The following MACROD2 variants were observed in gnomAD, a reference collection of about 807,000 sequenced individuals.
MACROD2 encodes ADP-ribose glycohydrolase MACROD2.
Under a neutral mutation model 70.4 loss-of-function variants are expected in MACROD2, and 36 were observed. The ratio of observed to expected loss-of-function variants is 0.51; its 90% CI spans 0.39 to 0.68. MACROD2 has a LOEUF of 0.68. MACROD2 is among the 30% of genes least tolerant of loss of function. MACROD2 has a pLI of 0.00. For missense variants in MACROD2, 496 were observed against 538.4 expected, an observed-to-expected ratio of 0.92 and a Z score of 0.78; for synonymous variants, 172 against 178.8, an observed-to-expected ratio of 0.96 and a Z score of 0.30.
At chr20:14,606,334 TAAG>T (rs1476656575) in intron 4 of MACROD2, among the ~76,000 whole-genome samples, 2 of 152,160 alleles carry the variant, frequency 1.3e-5, no homozygotes, top group Non-Finnish European at 2.9e-5. Flanking sequence ...AAAATTGAGA[TAAG>T]AAGACCATTT....
intron 5 of MACROD2, among the ~76,000 whole-genome samples, chr20:15,226,465 A>AT (rs1601257463): frequency 6.6e-6 from 1 of 152,196 alleles, no homozygotes; most frequent in East Asian, 1.9e-4. Context: ...AAGATAAAGC[A>AT]TTGTCCATAG....
chr20:15,063,886 T>C (rs2075553529), intron 5 of MACROD2, among the ~76,000 whole-genome samples: 1 of 152,200 alleles, frequency 6.6e-6, no homozygotes, highest in Admixed American at 6.5e-5. Flanking sequence ...TGCAACAAGT[T>C]GGAGCTGCTC....
chr20:15,637,947 G>C (rs1317033534), intron 8 of MACROD2, among the ~76,000 whole-genome samples: 2 of 152,120 alleles, frequency 1.3e-5, no homozygotes, highest in Non-Finnish European at 2.9e-5. Context: ...TTCTCTGTTG[G>C]GTGTGTGATG....
Position 15,986,802 on chromosome 20 carries a change from G to A in MACROD2, c.1060+1G>A. 3.1e-6 allele frequency: 5 copies of A among 1,603,828 alleles called. No individual in the cohort carries two copies. The highest frequency in any genetic ancestry group is 1.3e-5 in the African/African-American group (1 of 74,790). ...CAGAGCTCATATATGGAAACAGAAG[G>A]TACTGAAACCAAAATATATTGTTAT... On this transcript the variant is annotated splice_donor_variant, in intron 14 of 17. Coordinates refer to ENST00000684519, the MANE Select transcript of MACROD2 (RefSeq NM_001351661.2). LOFTEE classifies it high-confidence loss of function.
intron 8 of MACROD2, among the ~76,000 whole-genome samples, chr20:15,632,162 A>C (rs1299383479): frequency 4.0e-5 from 6 of 150,174 alleles, no homozygotes; most frequent in East Asian, 1.9e-4. Context: ...CGAAACTCTT[A>C]CTCAAAAAAA....
At chr20:14,872,038 A>G (rs548141701) in intron 5 of MACROD2, among the ~76,000 whole-genome samples, 1 of 152,278 alleles carries the variant, frequency 6.6e-6, no homozygotes, top group East Asian at 1.9e-4. Flanking sequence ...CTTAGAGACC[A>G]CAGAGATACT....
intron 5 of MACROD2, among the ~76,000 whole-genome samples, chr20:14,832,073 C>T (rs2072976010): frequency 8.4e-6 from 1 of 118,610 alleles, no homozygotes; most frequent in East Asian, 2.7e-4. Flanking sequence ...GAGGGAGTCT[C>T]GCTCTGTGGC....
At chr20:15,144,442 A>G (rs2076215767) in intron 5 of MACROD2, among the ~76,000 whole-genome samples, 1 of 152,158 alleles carries the variant, frequency 6.6e-6, no homozygotes, top group African/African-American at 2.4e-5. Flanking sequence ...CCCTTATCCA[A>G]TTATAATACA....
intron 15 of MACROD2, among the ~76,000 whole-genome samples, chr20:16,035,164 A>T (rs1193434578): frequency 2.4e-4 from 16 of 67,132 alleles, no homozygotes; most frequent in African/African-American, 7.3e-4. Flanking sequence ...ATATAATATA[A>T]AATATAAAAT....
chr20:15,330,581 T>C (rs2077981571), intron 6 of MACROD2, among the ~76,000 whole-genome samples: 1 of 151,502 alleles, frequency 6.6e-6, no homozygotes, highest in Non-Finnish European at 1.5e-5. Context: ...GCTTCCTATT[T>C]CAAGTTCTAT....
At chr20:14,572,798 TC>T (rs1980285723) in intron 4 of MACROD2, among the ~76,000 whole-genome samples, 1 of 151,854 alleles carries the variant, frequency 6.6e-6, no homozygotes, top group East Asian at 1.9e-4. Flanking sequence ...ACATGAAAAT[TC>T]ACTGGGCTGT....
intron 8 of MACROD2, among the ~76,000 whole-genome samples, chr20:15,842,468 C>CTTTTT (rs3071404): frequency 1.7e-4 from 23 of 137,440 alleles, no homozygotes; most frequent in Non-Finnish European, 2.8e-4. Context: ...TTTTTTTCAT[C>CTTTTT]TTTTTTTTTT....
intron 7 of MACROD2, among the ~76,000 whole-genome samples, chr20:15,465,377 C>G (rs2046871380): frequency 6.6e-6 from 1 of 152,196 alleles, no homozygotes; most frequent in African/African-American, 2.4e-5. Context: ...GAAGGGGAGC[C>G]AGGCAAGGTG....
intron 5 of MACROD2, among the ~76,000 whole-genome samples, chr20:14,784,541 T>G (rs925127779): frequency 2.6e-5 from 4 of 152,010 alleles, no homozygotes; most frequent in African/African-American, 7.3e-5. Context: ...GAGGGGCAGG[T>G]GCTGGCATGC....
chr20:14,115,209 G>A (rs961784486), intron 3 of MACROD2, among the ~76,000 whole-genome samples: 6 of 151,928 alleles, frequency 3.9e-5, no homozygotes, highest in East Asian at 3.9e-4. Flanking sequence ...GGATCAATTC[G>A]GGGTTTTCCT....
At chr20:15,552,049 G>T (rs1285354360) in intron 8 of MACROD2, 1 of 151,788 alleles carries the variant, frequency 6.6e-6, no homozygotes, top group Non-Finnish European at 1.5e-5. Context: ...TTTATAAAAA[G>T]GTATGCTTTA....
chr20:15,127,264 G>T (rs962055463), intron 5 of MACROD2, among the ~76,000 whole-genome samples: 1 of 152,014 alleles, frequency 6.6e-6, no homozygotes, highest in Non-Finnish European at 1.5e-5. Context: ...CTAGAAAGAA[G>T]ACAGTAAAGC....
intron 11 of MACROD2, 66 bp downstream of exon 11, chr20:15,933,404 T>TC: frequency 5.0e-6 from 7 of 1,413,836 alleles, no homozygotes; most frequent in Non-Finnish European, 6.9e-6. Flanking sequence ...GTAACTTCAC[T>TC]CAATGCTATT....
chr20:14,050,018 G>A (rs1240709044), intron 2 of MACROD2, among the ~76,000 whole-genome samples: 3 of 151,170 alleles, frequency 2.0e-5, no homozygotes, highest in Non-Finnish European at 4.4e-5. Context: ...CGGGAGGCAC[G>A]GAGGTTGCAG....
Sources: allele counts gnomAD v4.1 joint callset (sites outside exome capture counted in the v4.1 genomes callset), GRCh38; gene constraint gnomAD v4.1.1; transcripts MANE v1.5; gene names NCBI Gene and HGNC (gene_info 2026-07-23, HGNC 2026-07-21).